PARD3B: variants seen among roughly 807,000 people sequenced by gnomAD.
The protein encoded by PARD3B is par-3 family cell polarity regulator beta.
Under a neutral mutation model 130.2 loss-of-function variants are expected in PARD3B, and 103 were observed. The observed-to-expected ratio is 0.79, with a 90% CI of 0.67 to 0.93. PARD3B has a LOEUF of 0.93. Ranked by LOEUF, PARD3B falls within the 40% of genes least tolerant of loss-of-function variation. The pLI, the probability that PARD3B is intolerant of heterozygous loss-of-function variation, is 0.00. For synonymous variants in PARD3B, 583 were observed against 553.2 expected, an observed-to-expected ratio of 1.05 and a Z score of -0.76; for missense variants, 1,609 against 1,499.2, an observed-to-expected ratio of 1.07 and a Z score of -1.21.
rs759239507 is a variant in PARD3B, at chr2:205,300,712, G to A, written c.2368G>A (p.Asp790Asn). 1.2e-5 allele frequency: 20 copies of A among 1,612,360 alleles called. No homozygotes were observed. Among genetic ancestry groups the A allele is most frequent in the Middle Eastern group, 1.7e-4 (1 of 5,904 alleles). ...SFRAAIDKSY[D>N]GPEEIEADGL... ...TAGAGCAGCCATTGACAAATCCTAC[G>A]ATGGACCTGAAGAAATAGAAGCTGG... is the stretch of plus-strand genomic sequence containing the variant. The change falls in exon 17 of 23, where the codon GAT (aspartate) becomes AAT (asparagine). Residue 790 changes from aspartate (D) to asparagine (N), a missense_variant. Transcript: ENST00000406610. The surrounding 1 kb of genome is among the most constrained non-coding windows in gnomAD (Gnocchi z 4.1).
chr2:204,820,963 C>T (rs1208489624), intron 2 of PARD3B, among the ~76,000 whole-genome samples: 1 of 152,200 alleles, frequency 6.6e-6, no homozygotes, highest in Non-Finnish European at 1.5e-5. Flanking sequence ...CTGTTTACAG[C>T]ATGGTTTACT....
intron 3 of PARD3B, among the ~76,000 whole-genome samples, chr2:204,980,761 T>C (rs1238705185): frequency 2.6e-5 from 4 of 152,142 alleles, no homozygotes; most frequent in Non-Finnish European, 5.9e-5. Context: ...GTCAAGGTCA[T>C]GAACAACAAG....
chr2:204,701,307 AT>A (rs1171566256), intron 2 of PARD3B, among the ~76,000 whole-genome samples: 1 of 152,164 alleles, frequency 6.6e-6, no homozygotes, highest in Non-Finnish European at 1.5e-5. Context: ...ATCCTGGGAT[AT>A]TTTAGGAAAA....
At chr2:205,533,146 C>T (rs1480026456) in intron 21 of PARD3B, among the ~76,000 whole-genome samples, 3 of 152,046 alleles carry the variant, frequency 2.0e-5, no homozygotes, top group Non-Finnish European at 4.4e-5. Flanking sequence ...TCTTTTTTCA[C>T]TCAAGGAAAA....
At chr2:205,270,672 G>A (rs191455468) in intron 16 of PARD3B, among the ~76,000 whole-genome samples, 24 of 152,160 alleles carry the variant, frequency 1.6e-4, no homozygotes, top group Non-Finnish European at 2.2e-4. Context: ...AGAAATGGGC[G>A]GCTGCTAGCA....
chr2:205,033,282 A>G (rs1023040928), intron 3 of PARD3B, among the ~76,000 whole-genome samples: 10 of 152,186 alleles, frequency 6.6e-5, no homozygotes, highest in Non-Finnish European at 1.5e-4. Flanking sequence ...TGGGGAAAAG[A>G]TTCCTCTACT....
intron 1 of PARD3B, among the ~76,000 whole-genome samples, chr2:204,684,981 C>A (rs1290570019): frequency 6.6e-6 from 1 of 152,108 alleles, no homozygotes; most frequent in Non-Finnish European, 1.5e-5. Flanking sequence ...GTACTTGGGT[C>A]ACATTTTAGT....
At chr2:205,486,768 A>G (rs967500492) in intron 20 of PARD3B, among the ~76,000 whole-genome samples, 3 of 152,134 alleles carry the variant, frequency 2.0e-5, no homozygotes, top group African/African-American at 4.8e-5. Context: ...CCATGATCCA[A>G]TCACCTCCCA....
At chr2:205,254,045 C>T (rs567383765) in intron 16 of PARD3B, among the ~76,000 whole-genome samples, 8 of 130,054 alleles carry the variant, frequency 6.2e-5, no homozygotes, top group East Asian at 4.5e-4. Flanking sequence ...CAGCAAGTCA[C>T]GTTGGAAGAC....
intron 2 of PARD3B, among the ~76,000 whole-genome samples, chr2:204,716,863 C>T (rs1422517620): frequency 1.3e-5 from 2 of 152,128 alleles, no homozygotes; most frequent in Non-Finnish European, 2.9e-5. Context: ...ACCTCGTGAT[C>T]TGCCTGCGTC....
At chr2:205,084,722 T>C (rs1701636131) in intron 4 of PARD3B, among the ~76,000 whole-genome samples, 1 of 152,026 alleles carries the variant, frequency 6.6e-6, no homozygotes, top group South Asian at 2.1e-4. Flanking sequence ...TTTAGGTTTC[T>C]TTTTGTTATT....
intron 15 of PARD3B, among the ~76,000 whole-genome samples, chr2:205,234,572 G>A (rs1441484713): frequency 6.6e-6 from 1 of 152,072 alleles, no homozygotes; most frequent in Non-Finnish European, 1.5e-5. Context: ...AGGAAAAATA[G>A]GCAAATCCAA....
chr2:205,302,045 C>CT, intron 18 of PARD3B: 1 of 232,362 alleles, frequency 4.3e-6, no homozygotes, highest in Non-Finnish European at 7.8e-6. Flanking sequence ...AGACCCTATT[C>CT]TTTTTTTCTT....
intron 19 of PARD3B, among the ~76,000 whole-genome samples, chr2:205,412,443 T>C (rs930263486): frequency 2.6e-5 from 4 of 152,190 alleles, no homozygotes; most frequent in African/African-American, 9.6e-5. Flanking sequence ...GAAACTTACA[T>C]AGATAATTTC....
rs2055548431 is a variant in PARD3B, at chr2:205,620,004, A to G, written c.*4191A>G. 2 of 152,188 alleles carry G rather than the reference A, an allele frequency of 1.3e-5. No individual in the cohort carries two copies. Among genetic ancestry groups the G allele is most frequent in the South Asian group, 4.1e-4 (2 of 4,826 alleles). The allele number at this position is 152,188 out of a possible 1,614,324, so 9.4% of individuals were successfully genotyped here. ...AAGTTCTGAAGATAAATTATGTGAAATCATATTTTGGCATATGGGGGTGGA... is the reference window on the plus strand; with the variant it reads ...AAGTTCTGAAGATAAATTATGTGAAGTCATATTTTGGCATATGGGGGTGGA... On this transcript the variant is annotated 3_prime_UTR_variant, in exon 23 of 23. Transcript: ENST00000406610.
At chr2:205,009,608 T>C (rs900687684) in intron 3 of PARD3B, among the ~76,000 whole-genome samples, 3 of 151,344 alleles carry the variant, frequency 2.0e-5, no homozygotes, top group Non-Finnish European at 4.4e-5. Context: ...GAGGCGGAGC[T>C]TTCAGTGAGC....
chr2:204,745,906 C>G (rs1189456718), intron 2 of PARD3B, among the ~76,000 whole-genome samples: 1 of 151,938 alleles, frequency 6.6e-6, no homozygotes, highest in Non-Finnish European at 1.5e-5. Flanking sequence ...CTCTTCATTC[C>G]TTTGTTTTTG....
At chr2:204,977,811 CAAAAAAAAAAA>C (rs35974349) in intron 3 of PARD3B, among the ~76,000 whole-genome samples, 2 of 59,024 alleles carry the variant, frequency 3.4e-5, no homozygotes, top group African/African-American at 1.4e-4. Flanking sequence ...GACTCCGGCT[CAAAAAAAAAAA>C]AAAAAAAAAA....
Position 205,438,491 on chromosome 2 carries a change from C to T in PARD3B, c.2742-1879C>T, listed in dbSNP as rs546560415. Among the ~76,000 whole-genome samples, 352 of 152,286 alleles carry T rather than the reference C, an allele frequency of 2.3e-3. 1 individual carries two copies. Among genetic ancestry groups the T allele is most frequent in the Non-Finnish European group, 4.0e-3 (275 of 68,022 alleles). On this transcript the variant is annotated intron_variant, in intron 19 of 22. Transcript: ENST00000406610. ...GGATAGCAACCACACAGAATCCTAC[C>T]CCCTAACTTTATTGATGTCCTTTGC...
Sources: gnomAD v4.1 joint callset for allele counts (sites outside exome capture counted in the v4.1 genomes callset) on GRCh38, gnomAD v4.1.1 for gene constraint, Gnocchi (gnomAD v3.1) non-coding constraint, MANE v1.5 for transcripts, NCBI Gene and HGNC (gene_info 2026-07-23, HGNC 2026-07-21) for gene names.